The following NECAB1 variants were observed in gnomAD, a reference collection of about 807,000 sequenced individuals.
NECAB1 encodes N-terminal EF-hand calcium-binding protein 1.
In NECAB1, 29 loss-of-function variants were observed where a neutral mutation model predicts 57.5. The ratio of observed to expected loss-of-function variants is 0.50; its 90% CI spans 0.38 to 0.69. NECAB1 has a LOEUF of 0.69. Among genes scored for constraint, NECAB1 ranks in the 30% least tolerant of loss-of-function variants. NECAB1 has a pLI of 0.00. For synonymous variants in NECAB1, 142 were observed against 147.7 expected, an observed-to-expected ratio of 0.96 and a Z score of 0.28; for missense variants, 372 against 413.8, an observed-to-expected ratio of 0.90 and a Z score of 0.88.
At chr8:90,941,042 G>A (rs1293668050) in intron 10 of NECAB1, 144 bp downstream of exon 10, 1 of 645,926 alleles carries the variant, frequency 1.5e-6, no homozygotes, top group Non-Finnish European at 2.7e-6. Context: ...TTCCACCTGG[G>A]TGATGTCATT....
chr8:90,801,781 T>A (rs1386741837), intron 2 of NECAB1, 66 bp downstream of exon 2: 2 of 1,100,832 alleles, frequency 1.8e-6, no homozygotes, highest in Non-Finnish European at 2.6e-6. Context: ...TTATAAATAA[T>A]AATCAGGAAA....
chr8:90,903,629 A>G (rs1406015853), intron 5 of NECAB1, among the ~76,000 whole-genome samples: 1 of 152,210 alleles, frequency 6.6e-6, no homozygotes, highest in Non-Finnish European at 1.5e-5. Context: ...AAATGAATCC[A>G]TAGAAAATAC....
chr8:90,832,512 C>T (rs867296541), intron 3 of NECAB1, among the ~76,000 whole-genome samples: 17 of 151,890 alleles, frequency 1.1e-4, no homozygotes, highest in African/African-American at 2.4e-4. Flanking sequence ...TAATTTTCTC[C>T]GACAAAAATG....
Position 90,884,078 on chromosome 8 carries a change from T to C in NECAB1, c.357+2948T>C, listed in dbSNP as rs545575945. ...TCTTAAAATAATTATTTGGGGTTTG[T>C]TAGTTACTTTAATGAGTGCAGCCGT... On this transcript the variant is annotated intron_variant, in intron 5 of 12. Transcript: ENST00000417640. Among the ~76,000 whole-genome samples the C allele has an allele frequency of 2.6e-5, 4 of 152,302 alleles. No individual in the cohort carries two copies. The South Asian group carries it at 8.3e-4, about 32-fold the overall frequency.
chr8:90,875,226 A>T (rs1027939513), intron 4 of NECAB1, among the ~76,000 whole-genome samples: 2 of 151,900 alleles, frequency 1.3e-5, no homozygotes, highest in East Asian at 2.0e-4. Context: ...TCACGCCTGT[A>T]ATCCCAGCAC....
At chr8:90,820,011 C>G (rs1304329865) in intron 2 of NECAB1, among the ~76,000 whole-genome samples, 1 of 151,892 alleles carries the variant, frequency 6.6e-6, no homozygotes, top group Non-Finnish European at 1.5e-5. Flanking sequence ...AAAGGCTGCA[C>G]CCCCAGCAGT....
chr8:90,951,048 C>T (rs946602012), intron 11 of NECAB1, 65 bp from the exon 12 acceptor site: 1 of 902,064 alleles, frequency 1.1e-6, no homozygotes, highest in Admixed American at 2.9e-5. Context: ...CAAATTTGAT[C>T]TCTGCTGTAC....
chr8:90,851,141 A>G (rs957744802), intron 3 of NECAB1, among the ~76,000 whole-genome samples: 5 of 152,218 alleles, frequency 3.3e-5, no homozygotes, highest in African/African-American at 4.8e-5. Context: ...GGTTCTGGGA[A>G]AGTGGTATAC....
chr8:90,825,226 G>A (rs1324362362), intron 3 of NECAB1: 1 of 152,450 alleles, frequency 6.6e-6, no homozygotes, highest in East Asian at 1.9e-4. Context: ...AGGAAGAATT[G>A]TAGCAGTTAT....
intron 5 of NECAB1, among the ~76,000 whole-genome samples, chr8:90,896,959 G>A (rs940622544): frequency 3.3e-5 from 5 of 152,172 alleles, no homozygotes; most frequent in African/African-American, 9.7e-5. Flanking sequence ...GAACGACACA[G>A]CAGCAGGGGT....
Position 90,928,203 on chromosome 8 carries a change from A to G in NECAB1, c.617-20A>G, listed in dbSNP as rs764754302. On this transcript the variant is annotated intron_variant, in intron 7 of 12. Transcript: ENST00000417640. Reference sequence around the variant, plus strand: ...GTCTAAAGTTTAACATATTGCCCTCATGATTCCCCCTGGCCCCAGGCTTAT... The same window carrying G: ...GTCTAAAGTTTAACATATTGCCCTCGTGATTCCCCCTGGCCCCAGGCTTAT... 1 of 1,579,006 alleles carries G rather than the reference A, an allele frequency of 6.3e-7. No homozygotes were observed. Among genetic ancestry groups the G allele is most frequent in the South Asian group, 1.1e-5 (1 of 89,292 alleles).
intron 5 of NECAB1, among the ~76,000 whole-genome samples, chr8:90,898,417 T>C (rs1317691096): frequency 6.6e-6 from 1 of 152,238 alleles, no homozygotes; most frequent in Non-Finnish European, 1.5e-5. Flanking sequence ...ATATTAACTA[T>C]TTGGGAATCT....
chr8:90,802,316 C>T (rs1162067936), intron 2 of NECAB1, among the ~76,000 whole-genome samples: 2 of 152,144 alleles, frequency 1.3e-5, no homozygotes, highest in Admixed American at 6.5e-5. Context: ...ATGGCAACCT[C>T]GAAGTAAAAA....
chr8:90,861,579 C>A (rs182341930), intron 3 of NECAB1, among the ~76,000 whole-genome samples: 1 of 151,986 alleles, frequency 6.6e-6, no homozygotes, highest in African/African-American at 2.4e-5. Context: ...AGTCTCTTAC[C>A]CCTTTGGTCT....
At chr8:90,826,031 A>C (rs770513377) in intron 3 of NECAB1, among the ~76,000 whole-genome samples, 1 of 151,830 alleles carries the variant, frequency 6.6e-6, no homozygotes, top group Non-Finnish European at 1.5e-5. Flanking sequence ...AAAGGGAAGA[A>C]ATTTTAGCCC....
chr8:90,869,362 A>T (rs889136653), intron 3 of NECAB1, among the ~76,000 whole-genome samples: 6 of 152,264 alleles, frequency 3.9e-5, no homozygotes, highest in Admixed American at 3.9e-4. Flanking sequence ...CATCGTCCAG[A>T]CCCCAGAATG....
intron 5 of NECAB1, among the ~76,000 whole-genome samples, chr8:90,886,193 G>T (rs946935251): frequency 6.6e-6 from 1 of 152,098 alleles, no homozygotes. Flanking sequence ...CAAAGGAAAG[G>T]CTACTGTAGC....
At chr8:90,800,876 C>T (rs774573869) in intron 1 of NECAB1, among the ~76,000 whole-genome samples, 4 of 152,086 alleles carry the variant, frequency 2.6e-5, no homozygotes, top group African/African-American at 9.6e-5. Context: ...ACTGGAGCAC[C>T]TAGGCCAAGC....
At chr8:90,943,967 G>T (rs913297678) in intron 10 of NECAB1, among the ~76,000 whole-genome samples, 2 of 152,060 alleles carry the variant, frequency 1.3e-5, no homozygotes, top group Non-Finnish European at 2.9e-5. Flanking sequence ...GCCCTGGCTG[G>T]TCTTGAACCC....
Sources: gnomAD v4.1 joint callset for allele counts (sites outside exome capture counted in the v4.1 genomes callset) on GRCh38, gnomAD v4.1.1 for gene constraint, MANE v1.5 for transcripts, NCBI Gene and HGNC (gene_info 2026-07-23, HGNC 2026-07-21) for gene names.